The following MAGI2 variants were observed in gnomAD, a reference collection of about 807,000 sequenced individuals.
MAGI2 encodes the protein membrane-associated guanylate kinase, WW and PDZ domain-containing protein 2.
Under a neutral mutation model 133.3 loss-of-function variants are expected in MAGI2, and 35 were observed. The ratio of observed to expected loss-of-function variants is 0.26; its 90% confidence interval spans 0.20 to 0.35. The LOEUF is 0.35. Ranked by LOEUF, MAGI2 falls within the 10% of genes least tolerant of loss-of-function variation. The pLI, the probability that MAGI2 is intolerant of heterozygous loss-of-function variation, is 1.00. For missense variants in MAGI2, 1,636 were observed against 1,863.4 expected, an observed-to-expected ratio of 0.88 and a Z score of 2.25; for synonymous variants, 729 against 710.6, an observed-to-expected ratio of 1.03 and a Z score of -0.41.
At chr7:78,365,837 A>C (rs1793320350) in intron 7 of MAGI2, among the ~76,000 whole-genome samples, 1 of 152,146 alleles carries the variant, frequency 6.6e-6, no homozygotes. Context: ...TGATTGTTGC[A>C]ATTGCTATTT....
chr7:78,435,619 G>T (rs554038543), intron 6 of MAGI2, among the ~76,000 whole-genome samples: 1 of 152,088 alleles, frequency 6.6e-6, no homozygotes, highest in Non-Finnish European at 1.5e-5. Flanking sequence ...ATGCCTGCAG[G>T]CACCAAAGCT....
rs749009263 is a variant in MAGI2 at position 78,521,635 on chromosome 7, G to A, written c.549C>T (p.Tyr183=). The A allele has an allele frequency of 3.2e-5, 52 of 1,613,742 alleles. No individual in the cohort carries two copies. Among genetic ancestry groups the A allele is most frequent in the South Asian group, 1.2e-4 (11 of 91,086 alleles). ...GTTCTGCTGGCGGCTTTGGGGTACC[G>A]TAGTAATTGTCTGCAAACAATACCA... ...LESGTYEDNY[Y]GTPKPPAEPA... Residue 183 remains tyrosine (Y), a synonymous_variant, in exon 4 of 22, where the codon TAC becomes TAT. Transcript: ENST00000354212.
At position 78,786,142 on chromosome 7, in the gene MAGI2, A is replaced by G. The variant is rs1398292907; in HGVS notation, c.419-158903T>C. Among the ~76,000 whole-genome samples the G allele has an allele frequency of 1.4e-4, 21 of 152,114 alleles. No homozygotes were observed. The East Asian group carries it at 3.5e-3, about 25-fold the overall frequency. ...AGCTCCATGTTTCTAGTGCTCAGAAAAAAAAAACAAAAAAACCTTAGTATC... is the reference window on the plus strand; with the variant it reads ...AGCTCCATGTTTCTAGTGCTCAGAAGAAAAAAACAAAAAAACCTTAGTATC... On this transcript the variant is annotated intron_variant, in intron 2 of 21. Transcript: ENST00000354212.
chr7:79,099,733 T>G (rs978814740), intron 1 of MAGI2, among the ~76,000 whole-genome samples: 1 of 152,198 alleles, frequency 6.6e-6, no homozygotes, highest in Non-Finnish European at 1.5e-5. Flanking sequence ...AGTATTTGCT[T>G]TCCTGTTCCC....
At chr7:79,370,188 A>T (rs1026852635) in intron 1 of MAGI2, among the ~76,000 whole-genome samples, 21 of 152,166 alleles carry the variant, frequency 1.4e-4, no homozygotes, top group Non-Finnish European at 5.9e-5. Flanking sequence ...TTTATTGTAC[A>T]TATGTCCAAA....
chr7:78,828,272 T>C (rs1035424189), intron 2 of MAGI2, among the ~76,000 whole-genome samples: 1 of 152,132 alleles, frequency 6.6e-6, no homozygotes, highest in Non-Finnish European at 1.5e-5. Flanking sequence ...AACTTAACAG[T>C]GGAGAAAACT....
Position 78,601,956 on chromosome 7 carries a change from G to A in MAGI2, c.538+25164C>T, listed in dbSNP as rs572055131. On this transcript the variant is annotated intron_variant, in intron 3 of 21. Coordinates refer to ENST00000354212, the MANE Select transcript of MAGI2 (RefSeq NM_012301.4). ...AGGCAAGCCAGAGTCCTACTTAGCT[G>A]AGTCTATTAGGTTTGAACATGAGGA... 3.3e-5 allele frequency among the ~76,000 whole-genome samples: 5 copies of A among 152,180 alleles called. No individual in the cohort carries two copies. In the South Asian group the frequency reaches 1.0e-3, roughly 32 times the overall value.
At chr7:78,647,202 A>G (rs73378286) in intron 2 of MAGI2, among the ~76,000 whole-genome samples, 2,304 of 152,256 alleles carry the variant, frequency 0.015, 65 homozygotes, top group African/African-American at 0.053. Flanking sequence ...CAGAGTGAAC[A>G]GGCAAGTGAA....
intron 1 of MAGI2, among the ~76,000 whole-genome samples, chr7:79,225,367 G>A (rs1348590848): frequency 1.3e-5 from 2 of 152,170 alleles, no homozygotes; most frequent in Non-Finnish European, 2.9e-5. Flanking sequence ...TAAAATAGAG[G>A]TGGAAATTAT....
At chr7:78,104,348 G>A (rs1206003652) in intron 20 of MAGI2, among the ~76,000 whole-genome samples, 3 of 151,808 alleles carry the variant, frequency 2.0e-5, no homozygotes, top group Admixed American at 2.0e-4. Flanking sequence ...TCAGCCTCCC[G>A]AGTAGCTGGG....
intron 4 of MAGI2, 98 bp downstream of exon 4, chr7:78,521,332 T>G: frequency 1.3e-6 from 1 of 743,588 alleles, no homozygotes; most frequent in Non-Finnish European, 2.3e-6. Context: ...TATCTTACTA[T>G]GTATCTGTAT....
chr7:78,598,837 A>G (rs1804887873), intron 3 of MAGI2, among the ~76,000 whole-genome samples: 1 of 152,136 alleles, frequency 6.6e-6, no homozygotes, highest in Non-Finnish European at 1.5e-5. Context: ...TGGCTTGAGA[A>G]AGTAGGTACC....
chr7:78,500,353 T>C (rs1426896665), intron 5 of MAGI2, among the ~76,000 whole-genome samples: 2 of 152,226 alleles, frequency 1.3e-5, no homozygotes, highest in African/African-American at 4.8e-5. Flanking sequence ...CTGTCAACAC[T>C]AAAAACTTCA....
chr7:79,300,090 G>T (rs1727288350), intron 1 of MAGI2, among the ~76,000 whole-genome samples: 2 of 152,034 alleles, frequency 1.3e-5, no homozygotes, highest in South Asian at 4.2e-4. Flanking sequence ...AGCAGTGTAA[G>T]AACAACCTGA....
At chr7:78,795,741 T>C (rs1268640576) in intron 2 of MAGI2, among the ~76,000 whole-genome samples, 1 of 152,130 alleles carries the variant, frequency 6.6e-6, no homozygotes, top group Non-Finnish European at 1.5e-5. Flanking sequence ...TTTCAAATTA[T>C]GTAATAAAGC....
At chr7:78,358,065 A>C (rs1792281941) in intron 7 of MAGI2, among the ~76,000 whole-genome samples, 1 of 147,580 alleles carries the variant, frequency 6.8e-6, no homozygotes, top group South Asian at 2.2e-4. Flanking sequence ...TTAAAAATAT[A>C]TCTCTGGGCT....
At chr7:78,929,668 G>A (rs976335365) in intron 2 of MAGI2, among the ~76,000 whole-genome samples, 2 of 151,870 alleles carry the variant, frequency 1.3e-5, no homozygotes, top group Admixed American at 6.6e-5. Flanking sequence ...TTCCTTCTGG[G>A]TCCCTCTTAT....
At chr7:78,811,241 A>C (rs1175314472) in intron 2 of MAGI2, among the ~76,000 whole-genome samples, 1 of 152,082 alleles carries the variant, frequency 6.6e-6, no homozygotes. Flanking sequence ...TTATTCTGCT[A>C]TACAAATAAA....
chr7:78,447,333 A>C (rs774772420), intron 6 of MAGI2, among the ~76,000 whole-genome samples: 3 of 151,862 alleles, frequency 2.0e-5, no homozygotes, highest in Non-Finnish European at 4.4e-5. Flanking sequence ...TTTTGTGAAC[A>C]AATGTCATGT....
Sources: allele counts gnomAD v4.1 joint callset (sites outside exome capture counted in the v4.1 genomes callset), GRCh38; gene constraint gnomAD v4.1.1; transcripts MANE v1.5; gene names NCBI Gene and HGNC (gene_info 2026-07-23, HGNC 2026-07-21).